FRMD3: variants seen among roughly 807,000 people sequenced by gnomAD.
FRMD3 encodes the protein FERM domain-containing protein 3.
A neutral mutation model predicts 70.2 loss-of-function variants in FRMD3; 33 were observed. That is an observed-to-expected ratio of 0.47 (90% CI 0.36 to 0.63). The LOEUF (loss-of-function observed/expected upper bound fraction) is 0.63. Ranked by LOEUF, FRMD3 falls within the 20% of genes least tolerant of loss-of-function variation. The pLI is 0.00. For synonymous variants in FRMD3, 279 were observed against 255.9 expected (o/e 1.09, Z -0.86); for missense variants, 632 against 711.4 (o/e 0.89, Z 1.27).
intron 3 of FRMD3, among the ~76,000 whole-genome samples, chr9:83,368,623 T>A (rs2131246171): frequency 6.6e-6 from 1 of 152,348 alleles, no homozygotes; most frequent in South Asian, 2.1e-4. Context: ...AACAGACATT[T>A]CTCTTCCTTC....
intron 4 of FRMD3, among the ~76,000 whole-genome samples, chr9:83,344,824 AGTGTGTGTGTGT>A (rs35538787): frequency 7.6e-5 from 11 of 144,082 alleles, no homozygotes; most frequent in South Asian, 2.3e-4. Context: ...TGCATGTGTG[AGTGTGTGTGTGT>A]GTGTGTGTGT....
At chr9:83,277,795 A>G (rs1281723255) in intron 13 of FRMD3, among the ~76,000 whole-genome samples, 1 of 152,238 alleles carries the variant, frequency 6.6e-6, no homozygotes, top group African/African-American at 2.4e-5. Context: ...GGTTGCATTT[A>G]GAATCCATAC....
intron 1 of FRMD3, among the ~76,000 whole-genome samples, chr9:83,445,469 CCTCT>C (rs1313570763): frequency 2.6e-5 from 4 of 152,176 alleles, no homozygotes; most frequent in African/African-American, 9.7e-5. Context: ...CCGGAAGGGG[CCTCT>C]CTTTTTCCCA....
intron 1 of FRMD3, among the ~76,000 whole-genome samples, chr9:83,441,491 T>C (rs1827293431): frequency 6.6e-6 from 1 of 152,096 alleles, no homozygotes; most frequent in Non-Finnish European, 1.5e-5. Context: ...AGTAGATAAA[T>C]ACACAAAAGA....
chr9:83,292,333 T>C (rs545898695), intron 12 of FRMD3, among the ~76,000 whole-genome samples: 1 of 151,954 alleles, frequency 6.6e-6, no homozygotes, highest in South Asian at 2.1e-4. Context: ...TAAATTTTTG[T>C]ATTTTTAGTA....
intron 2 of FRMD3, among the ~76,000 whole-genome samples, 190 bp from the exon 3 acceptor site, chr9:83,373,145 A>G (rs1046773177): frequency 2.6e-5 from 4 of 152,210 alleles, no homozygotes; most frequent in African/African-American, 7.2e-5. Flanking sequence ...TATAAATTAC[A>G]GAGTTAACAT....
intron 1 of FRMD3, among the ~76,000 whole-genome samples, chr9:83,526,354 CA>C (rs945890909): frequency 3.3e-5 from 5 of 152,222 alleles, no homozygotes; most frequent in Non-Finnish European, 4.4e-5. Flanking sequence ...ATGGCATCGC[CA>C]TTACCCAGTC....
chr9:83,248,237 G>T lies in FRMD3; in HGVS notation c.1475C>A (p.Ala492Asp), dbSNP rs376216707. 6.2e-6 allele frequency: 10 copies of T among 1,614,144 alleles called. No individual in the cohort carries two copies. Among genetic ancestry groups the T allele is most frequent in the African/African-American group, 4.0e-5 (3 of 75,030 alleles). Residue 492 changes from alanine to aspartate, a missense_variant, in exon 14 of 14, where the codon GCC (alanine) becomes GAC (aspartate). Ala to Asp is a moderately radical substitution (Grantham distance 126, BLOSUM62 -2). Coordinates refer to ENST00000304195, the MANE Select transcript of FRMD3 (RefSeq NM_174938.6). Reference sequence around the variant, plus strand: ...CTCCTCTTCTTCAGCAATCAAAAAGGCGTTTTCATCTGCTTCCAGATCCTC... The same window carrying T: ...CTCCTCTTCTTCAGCAATCAAAAAGTCGTTTTCATCTGCTTCCAGATCCTC... ...SFEDLEADEN[A>D]FLIAEEEELK...
At chr9:83,450,448 G>A (rs911867279) in intron 1 of FRMD3, among the ~76,000 whole-genome samples, 1 of 150,198 alleles carries the variant, frequency 6.7e-6, no homozygotes, top group Non-Finnish European at 1.5e-5. Context: ...ATGCTGGTGT[G>A]CTGCACCCAC....
intron 4 of FRMD3, among the ~76,000 whole-genome samples, chr9:83,344,819 G>A (rs112783856): frequency 3.2e-3 from 411 of 128,712 alleles, no homozygotes; most frequent in Non-Finnish European, 5.2e-3. Flanking sequence ...ATGCGTGCAT[G>A]TGTGAGTGTG....
intron 1 of FRMD3, among the ~76,000 whole-genome samples, chr9:83,468,545 T>C (rs553431508): frequency 6.6e-6 from 1 of 152,266 alleles, no homozygotes; most frequent in East Asian, 1.9e-4. Context: ...CTTCTCTTTA[T>C]TAACAATAAG....
At chr9:83,368,395 G>A (rs780123534) in intron 3 of FRMD3, among the ~76,000 whole-genome samples, 23 of 151,804 alleles carry the variant, frequency 1.5e-4, no homozygotes, top group Non-Finnish European at 2.8e-4. Context: ...GCAGTGGCAC[G>A]ATCTCGGCTC....
intron 2 of FRMD3, among the ~76,000 whole-genome samples, chr9:83,386,619 G>T (rs969552459): frequency 2.0e-5 from 3 of 152,108 alleles, no homozygotes; most frequent in Non-Finnish European, 4.4e-5. Flanking sequence ...TGTAATCACA[G>T]TACAACTATC....
At chr9:83,559,949 A>G in the FRMD3 span, among the ~76,000 whole-genome samples, 1 of 152,128 alleles carries the variant, frequency 6.6e-6, no homozygotes, top group East Asian at 1.9e-4. Flanking sequence ...GTATATACAG[A>G]GTTTTATCAC....
At chr9:83,429,986 T>C (rs189847741) in intron 1 of FRMD3, among the ~76,000 whole-genome samples, 2 of 152,316 alleles carry the variant, frequency 1.3e-5, no homozygotes, top group African/African-American at 2.4e-5. Flanking sequence ...ACCACCACCA[T>C]TGCCAGTTTC....
chr9:83,394,328 G>C (rs988080803), intron 1 of FRMD3, among the ~76,000 whole-genome samples: 1 of 152,076 alleles, frequency 6.6e-6, no homozygotes, highest in African/African-American at 2.4e-5. Context: ...TGGCAAACTA[G>C]GATCTATTTC....
intron 1 of FRMD3, among the ~76,000 whole-genome samples, chr9:83,424,244 C>A (rs1826736488): frequency 6.6e-6 from 1 of 152,188 alleles, no homozygotes; most frequent in Admixed American, 6.5e-5. Context: ...CCTGCTCTTA[C>A]ACAAAGAGCA....
At chr9:83,334,190 C>T (rs1282233902) in intron 6 of FRMD3, among the ~76,000 whole-genome samples, 1 of 152,128 alleles carries the variant, frequency 6.6e-6, no homozygotes, top group Non-Finnish European at 1.5e-5. Flanking sequence ...ACCTCTAGTA[C>T]ATTTGTCTCC....
In FRMD3 at chr9:83,248,507, A is replaced by C. The variant is rs754676123; in HGVS notation, c.1205T>G (p.Leu402Trp). 7.5e-6 allele frequency: 12 copies of C among 1,605,600 alleles called. No individual in the cohort carries two copies. In the South Asian group the frequency reaches 1.3e-4, roughly 18 times the overall value. The change falls in exon 14 of 14, where the codon TTG (leucine) becomes TGG (tryptophan). Residue 402 changes from leucine (L) to tryptophan (W), a missense_variant. Leu to Trp is a moderately conservative substitution (Grantham distance 61). Around this residue, in one of 3 missense-constraint regions of FRMD3, gnomAD observed 418 missense variants for 442.1 expected, o/e 0.95. Transcript: ENST00000304195. Reference sequence around the variant, plus strand: ...AGCAGAAATGTTCTCCTCTTTAGGCAATGGAACACCTGTAAAGAGACATTT... The same window carrying C: ...AGCAGAAATGTTCTCCTCTTTAGGCCATGGAACACCTGTAAAGAGACATTT... ...EELPLGEGVP[L>W]PKEENISAPL...
Sources: gnomAD v4.1 joint callset for allele counts (sites outside exome capture counted in the v4.1 genomes callset) on GRCh38, gnomAD v4.1.1 for gene constraint, gnomAD v4.1.1 regional missense constraint, MANE v1.5 for transcripts, NCBI Gene and HGNC (gene_info 2026-07-23, HGNC 2026-07-21) for gene names.